RASAL2: variants seen among roughly 807,000 people sequenced by gnomAD.
The protein encoded by RASAL2 is RAS protein activator like 2.
Under a neutral mutation model 128.9 loss-of-function variants are expected in RASAL2, and 58 were observed. The ratio of observed to expected loss-of-function variants is 0.45; its 90% CI spans 0.36 to 0.56. The LOEUF is 0.56. Ranked by LOEUF, RASAL2 falls within the 20% of genes least tolerant of loss-of-function variation. The pLI, the probability that RASAL2 is intolerant of heterozygous loss-of-function variation, is 0.00. For synonymous variants in RASAL2, 561 were observed against 580.8 expected (o/e 0.97, Z 0.49); for missense variants, 1,360 against 1,601.6 (o/e 0.85, Z 2.57).
At chr1:178,290,248 G>T (rs1667213811) in intron 2 of RASAL2, among the ~76,000 whole-genome samples, 1 of 152,160 alleles carries the variant, frequency 6.6e-6, no homozygotes, top group Non-Finnish European at 1.5e-5. Flanking sequence ...AATATTTGTT[G>T]AATGAATGTT....
At chr1:178,439,797 C>T (rs186084353) in intron 6 of RASAL2, among the ~76,000 whole-genome samples, 2 of 152,160 alleles carry the variant, frequency 1.3e-5, no homozygotes, top group East Asian at 1.9e-4. Context: ...TTGGCTTTGC[C>T]TCCTTTCAGT....
chr1:178,188,384 T>C lies in RASAL2; in HGVS notation c.202+93690T>C, dbSNP rs1403720674. ...CTTAAAATCTGGGATTATTATAGGA[T>C]TTATTGATAGGTTTTCCTTTTCTTA... On this transcript the variant is annotated intron_variant, in intron 1 of 17. Transcript: ENST00000367649. Among the ~76,000 whole-genome samples the C allele has an allele frequency of 7.4e-4, 112 of 152,132 alleles. 1 individual carries two copies. The highest frequency in any genetic ancestry group is 7.3e-3 in the Admixed American group (111 of 15,260).
At chr1:178,148,953 A>T (rs1305502195) in intron 1 of RASAL2, among the ~76,000 whole-genome samples, 1 of 152,192 alleles carries the variant, frequency 6.6e-6, no homozygotes, top group Admixed American at 6.5e-5. Flanking sequence ...AAAACAAACG[A>T]CTATGACAGC....
intron 3 of RASAL2, among the ~76,000 whole-genome samples, chr1:178,358,237 TAAAAAAAAAAAAAAAAA>T (rs71567191): frequency 2.9e-5 from 1 of 34,770 alleles, no homozygotes; most frequent in South Asian, 1.8e-3. Context: ...CTCTGTCTCC[TAAAAAAAAAAAAAAAAA>T]AAAAAAAAAA....
At chr1:178,280,075 G>T (rs772038394) in intron 1 of RASAL2, among the ~76,000 whole-genome samples, 2 of 152,058 alleles carry the variant, frequency 1.3e-5, no homozygotes, top group African/African-American at 4.8e-5. Flanking sequence ...TCATTGATTT[G>T]GTTTCAGATT....
At chr1:178,265,397 TAC>T (rs1196149789) in intron 1 of RASAL2, among the ~76,000 whole-genome samples, 1 of 152,312 alleles carries the variant, frequency 6.6e-6, no homozygotes, top group East Asian at 1.9e-4. Context: ...TAGCTGGAAT[TAC>T]AGTTTCCCTC....
At chr1:178,157,837 T>C (rs1661133772) in intron 1 of RASAL2, among the ~76,000 whole-genome samples, 1 of 152,124 alleles carries the variant, frequency 6.6e-6, no homozygotes, top group Non-Finnish European at 1.5e-5. Context: ...TGCTACAAGG[T>C]TTGTATATAA....
At chr1:178,181,394 G>A (rs905981086) in intron 1 of RASAL2, among the ~76,000 whole-genome samples, 14 of 148,800 alleles carry the variant, frequency 9.4e-5, no homozygotes, top group African/African-American at 3.2e-4. Context: ...GTCTCACTCT[G>A]TCACCCAGGC....
intron 3 of RASAL2, chr1:178,389,368 G>GTATA: frequency 3.4e-6 from 2 of 585,938 alleles, no homozygotes; most frequent in African/African-American, 2.1e-5. Context: ...ATATACACAT[G>GTATA]TATATATATA....
chr1:178,237,619 AC>A (rs1487612189), intron 1 of RASAL2, among the ~76,000 whole-genome samples: 1 of 152,106 alleles, frequency 6.6e-6, no homozygotes, highest in Non-Finnish European at 1.5e-5. Context: ...TTGCATACAC[AC>A]CTTATTTATT....
chr1:178,147,286 A>G (rs1194352404), intron 1 of RASAL2, among the ~76,000 whole-genome samples: 1 of 151,326 alleles, frequency 6.6e-6, no homozygotes, highest in South Asian at 2.1e-4. Context: ...CTCAGGAGTT[A>G]GAGACCATCC....
At chr1:178,372,187 T>C (rs1472484420) in intron 3 of RASAL2, 2 of 985,252 alleles carry the variant, frequency 2.0e-6, no homozygotes, top group African/African-American at 1.7e-5. Context: ...CCTTTTTTTC[T>C]CACTTCATCA....
intron 1 of RASAL2, among the ~76,000 whole-genome samples, chr1:178,203,377 A>G (rs1440667726): frequency 6.6e-6 from 1 of 152,190 alleles, no homozygotes; most frequent in Non-Finnish European, 1.5e-5. Context: ...TTACAATGCC[A>G]TCTAGGTGAG....
At chr1:178,408,833 C>G (rs1282552234) in intron 4 of RASAL2, among the ~76,000 whole-genome samples, 1 of 151,938 alleles carries the variant, frequency 6.6e-6, no homozygotes, top group Non-Finnish European at 1.5e-5. Flanking sequence ...AGGAAGGGTT[C>G]CGGTGTGAGG....
chr1:178,425,817 C>T (rs1675478978), intron 5 of RASAL2, among the ~76,000 whole-genome samples: 1 of 152,194 alleles, frequency 6.6e-6, no homozygotes, highest in Non-Finnish European at 1.5e-5. Context: ...ACTTCTGTCT[C>T]ATTGCCACCT....
intron 3 of RASAL2, among the ~76,000 whole-genome samples, chr1:178,377,001 C>A (rs1672025001): frequency 6.6e-6 from 1 of 151,998 alleles, no homozygotes; most frequent in African/African-American, 2.4e-5. Context: ...TTTCCAAATT[C>A]TAGAATAAGA....
intron 1 of RASAL2, among the ~76,000 whole-genome samples, chr1:178,175,437 C>CGTGTGTGTGTGTGTGTGTGT (rs1158552851): frequency 1.5e-4 from 21 of 144,438 alleles, no homozygotes; most frequent in African/African-American, 4.9e-4. Context: ...TACATGGTTA[C>CGTGTGTGTGTGTGTGTGTGT]GTGTGTGTGT....
intron 3 of RASAL2, among the ~76,000 whole-genome samples, chr1:178,387,097 C>G (rs760205621): frequency 4.6e-5 from 7 of 152,174 alleles, no homozygotes; most frequent in Non-Finnish European, 8.8e-5. Context: ...AGTTATGAAT[C>G]TTCTGAGAAC....
intron 1 of RASAL2, among the ~76,000 whole-genome samples, chr1:178,236,277 T>A (rs1664232760): frequency 6.6e-6 from 1 of 152,160 alleles, no homozygotes; most frequent in Non-Finnish European, 1.5e-5. Context: ...TATAATAGAA[T>A]TTATCTCTTC....
Sources: allele counts gnomAD v4.1 joint callset (sites outside exome capture counted in the v4.1 genomes callset), GRCh38; gene constraint gnomAD v4.1.1; transcripts MANE v1.5; gene names NCBI Gene and HGNC (gene_info 2026-07-23, HGNC 2026-07-21).